RALYL: variants seen among roughly 807,000 people sequenced by gnomAD.
The protein encoded by RALYL is RNA-binding Raly-like protein.
RALYL carries 29 observed loss-of-function variants against 35.1 expected under a neutral mutation model. That is an observed-to-expected ratio of 0.83 (90% confidence interval 0.61 to 1.13). RALYL has a LOEUF of 1.13. Among genes scored for constraint, RALYL ranks in the 50% most tolerant of loss-of-function variants. RALYL has a pLI of 0.00. For missense variants in RALYL, 359 were observed against 360.4 expected (o/e 1.00, Z 0.03); for synonymous variants, 120 against 127.6 (o/e 0.94, Z 0.40).
intron 2 of RALYL, among the ~76,000 whole-genome samples, chr8:84,618,559 A>C (rs1330712594): frequency 8.1e-6 from 1 of 122,740 alleles, no homozygotes; most frequent in African/African-American, 3.2e-5. Flanking sequence ...TGGATTCATT[A>C]ATTTTTTGAA....
chr8:84,904,864 C>A (rs1033148985), intron 8 of RALYL, among the ~76,000 whole-genome samples: 1 of 152,066 alleles, frequency 6.6e-6, no homozygotes, highest in Non-Finnish European at 1.5e-5. Flanking sequence ...ATGTTAGGTG[C>A]ATATTCCACC....
chr8:84,451,040 C>A (rs914437015), intron 1 of RALYL, among the ~76,000 whole-genome samples: 7 of 151,884 alleles, frequency 4.6e-5, no homozygotes, highest in African/African-American at 1.7e-4. Context: ...AAGTCAAAAG[C>A]TATCAGATTA....
intron 2 of RALYL, among the ~76,000 whole-genome samples, chr8:84,741,815 C>G (rs907618729): frequency 9.9e-5 from 15 of 151,952 alleles, no homozygotes; most frequent in African/African-American, 3.4e-4. Flanking sequence ...GAAATACTTA[C>G]TTTAACAAAA....
At chr8:84,274,459 G>A (rs1218776829) in intron 1 of RALYL, among the ~76,000 whole-genome samples, 3 of 152,082 alleles carry the variant, frequency 2.0e-5, no homozygotes, top group South Asian at 2.1e-4. Context: ...CTGAAACTAA[G>A]TTATTCATTC....
intron 1 of RALYL, among the ~76,000 whole-genome samples, chr8:84,502,265 A>G (rs1487489107): frequency 6.6e-6 from 1 of 152,082 alleles, no homozygotes; most frequent in East Asian, 1.9e-4. Context: ...CTTGTGGGAT[A>G]CATTGCAGTC....
intron 5 of RALYL, among the ~76,000 whole-genome samples, chr8:84,855,365 C>T (rs1836752550): frequency 6.6e-6 from 1 of 152,220 alleles, no homozygotes; most frequent in Admixed American, 6.5e-5. Flanking sequence ...TTTGGAGACT[C>T]TAATGTGATT....
At chr8:84,305,435 C>A (rs1841593901) in intron 1 of RALYL, among the ~76,000 whole-genome samples, 6 of 151,988 alleles carry the variant, frequency 3.9e-5, no homozygotes. Context: ...TTATCTTAAG[C>A]TTAAGTTTGG....
chr8:84,895,061 T>C (rs947185645), intron 8 of RALYL, among the ~76,000 whole-genome samples: 7 of 152,188 alleles, frequency 4.6e-5, no homozygotes, highest in Non-Finnish European at 1.0e-4. Context: ...AAAAGGCACA[T>C]GCTTGGCACA....
At chr8:84,272,239 C>A (rs1586685635) in intron 1 of RALYL, among the ~76,000 whole-genome samples, 1 of 152,022 alleles carries the variant, frequency 6.6e-6, no homozygotes, top group East Asian at 1.9e-4. Flanking sequence ...AAAACAGGCG[C>A]CCACCACTAT....
At chr8:84,858,278 A>AT (rs1837441090) in intron 5 of RALYL, among the ~76,000 whole-genome samples, 1 of 152,132 alleles carries the variant, frequency 6.6e-6, no homozygotes, top group Non-Finnish European at 1.5e-5. Context: ...ATTGGACTGA[A>AT]TTTTTTAAAT....
At chr8:84,339,689 CAAA>C (rs1353321674) in intron 1 of RALYL, among the ~76,000 whole-genome samples, 1 of 151,850 alleles carries the variant, frequency 6.6e-6, no homozygotes, top group African/African-American at 2.4e-5. Context: ...GTCCCTGTTA[CAAA>C]AAAGCTTAGG....
intron 1 of RALYL, among the ~76,000 whole-genome samples, chr8:84,465,111 A>G (rs1281638230): frequency 7.9e-6 from 1 of 126,676 alleles, no homozygotes; most frequent in Non-Finnish European, 1.7e-5. Flanking sequence ...CTCTGATGGT[A>G]GTTTCTTTTG....
At chr8:84,658,941 C>T (rs1054179795) in intron 2 of RALYL, among the ~76,000 whole-genome samples, 19 of 151,936 alleles carry the variant, frequency 1.3e-4, no homozygotes, top group African/African-American at 4.1e-4. Flanking sequence ...TAATAGAAAA[C>T]AAAACAAAAC....
intron 1 of RALYL, among the ~76,000 whole-genome samples, chr8:84,446,942 AT>A (rs764989737): frequency 1.3e-5 from 2 of 152,112 alleles, no homozygotes; most frequent in African/African-American, 2.4e-5. Flanking sequence ...AATATTTTTT[AT>A]TTCTATAATT....
chr8:84,228,714 T>A (rs117141472), intron 1 of RALYL, among the ~76,000 whole-genome samples: 2,226 of 152,182 alleles, frequency 0.015, 59 homozygotes, highest in Non-Finnish European at 0.018. Flanking sequence ...GAAAAGAGGT[T>A]TAATTAACTC....
At chr8:84,636,460 A>G (rs1019692536) in intron 2 of RALYL, among the ~76,000 whole-genome samples, 1 of 151,800 alleles carries the variant, frequency 6.6e-6, no homozygotes, top group South Asian at 2.1e-4. Flanking sequence ...TATAACAATA[A>G]AAGTATCCAA....
At chr8:84,236,741 T>G (rs1281823633) in intron 1 of RALYL, among the ~76,000 whole-genome samples, 1 of 152,158 alleles carries the variant, frequency 6.6e-6, no homozygotes, top group African/African-American at 2.4e-5. Flanking sequence ...TGCAGTGATA[T>G]TATTTCACTG....
chr8:84,602,423 G>A (rs547641354), intron 2 of RALYL, among the ~76,000 whole-genome samples: 1 of 152,070 alleles, frequency 6.6e-6, no homozygotes, highest in East Asian at 1.9e-4. Flanking sequence ...CTAAGCTTTT[G>A]CAGTATTTCT....
intron 1 of RALYL, among the ~76,000 whole-genome samples, chr8:84,218,762 G>A (rs1821456711): frequency 6.6e-6 from 1 of 151,982 alleles, no homozygotes; most frequent in African/African-American, 2.4e-5. Context: ...CCTACCACAG[G>A]ATTTCCAAAG....
Sources: gnomAD v4.1 joint callset for allele counts (sites outside exome capture counted in the v4.1 genomes callset) on GRCh38, gnomAD v4.1.1 for gene constraint, MANE v1.5 for transcripts, NCBI Gene and HGNC (gene_info 2026-07-23, HGNC 2026-07-21) for gene names.